ABRAXAS2: variants seen among roughly 807,000 people sequenced by gnomAD.
The protein encoded by ABRAXAS2 is BRISC complex subunit Abraxas 2.
ABRAXAS2 carries 23 observed loss-of-function variants against 49.0 expected under a neutral mutation model. The ratio of observed to expected loss-of-function variants is 0.47; its 90% CI spans 0.34 to 0.66. ABRAXAS2 has a LOEUF of 0.66. Among genes scored for constraint, ABRAXAS2 ranks in the 30% least tolerant of loss-of-function variants. The pLI, the probability that ABRAXAS2 is intolerant of heterozygous loss-of-function variation, is 0.01. For missense variants in ABRAXAS2, 443 were observed against 511.9 expected, an observed-to-expected ratio of 0.87 and a Z score of 1.30; for synonymous variants, 168 against 180.2, an observed-to-expected ratio of 0.93 and a Z score of 0.54.
At chr10:124,825,260 G>C (rs1311197776) in intron 4 of ABRAXAS2, among the ~76,000 whole-genome samples, 2 of 146,716 alleles carry the variant, frequency 1.4e-5, no homozygotes, top group African/African-American at 5.0e-5. Flanking sequence ...GGAGGTTGCT[G>C]TGAGCCGAGA....
At chr10:124,824,918 G>A (rs1950887658) in intron 4 of ABRAXAS2, among the ~76,000 whole-genome samples, 2 of 152,160 alleles carry the variant, frequency 1.3e-5, no homozygotes, top group Admixed American at 6.5e-5. Context: ...GTCTAGTGTA[G>A]AATGTGAAAG....
At chr10:124,807,045 G>A in intron 2 of ABRAXAS2, 124 bp downstream of exon 2, 2 of 679,882 alleles carry the variant, frequency 2.9e-6, no homozygotes, top group South Asian at 1.9e-5. Context: ...AGGCGCGGTG[G>A]CTCACGCCTG....
intron 2 of ABRAXAS2, among the ~76,000 whole-genome samples, chr10:124,807,323 A>AC (rs1454243471): frequency 2.0e-5 from 3 of 148,984 alleles, no homozygotes; most frequent in Non-Finnish European, 4.4e-5. Context: ...AAAAAAAAAA[A>AC]AAAAAAAAAA....
At chr10:124,820,819 G>T (rs983607475) in intron 4 of ABRAXAS2, among the ~76,000 whole-genome samples, 17 of 152,026 alleles carry the variant, frequency 1.1e-4, no homozygotes, top group African/African-American at 4.1e-4. Flanking sequence ...GTTCTATAAA[G>T]ATTCTTTTTG....
chr10:124,827,772 CT>C (rs1164343087), intron 5 of ABRAXAS2, among the ~76,000 whole-genome samples: 42 of 151,664 alleles, frequency 2.8e-4, no homozygotes, highest in African/African-American at 8.7e-4. Flanking sequence ...AAAACCACCC[CT>C]ATGATTATAT....
intron 4 of ABRAXAS2, among the ~76,000 whole-genome samples, chr10:124,824,841 C>G (rs1277935100): frequency 6.6e-6 from 1 of 152,104 alleles, no homozygotes; most frequent in Non-Finnish European, 1.5e-5. Flanking sequence ...ATCAATAGCT[C>G]TATCTAATTG....
At chr10:124,820,625 G>A (rs1408269574) in intron 4 of ABRAXAS2, among the ~76,000 whole-genome samples, 2 of 151,886 alleles carry the variant, frequency 1.3e-5, no homozygotes, top group South Asian at 2.1e-4. Flanking sequence ...GGGACTACAG[G>A]GGTGCACCAC....
At chr10:124,819,760 C>T (rs924894521) in intron 4 of ABRAXAS2, among the ~76,000 whole-genome samples, 4 of 147,808 alleles carry the variant, frequency 2.7e-5, no homozygotes, top group Non-Finnish European at 5.9e-5. Flanking sequence ...GGAGACAGAG[C>T]GAGGCTCCAT....
Position 124,835,586 on chromosome 10 carries a change from C to T in ABRAXAS2, c.*615C>T, listed in dbSNP as rs1950964258. Reference sequence around the variant, plus strand: ...TATGTATTATCACTTAAAATGGTTGCCTTTAAAAAAAAAAAGTAGAGATAC... The same window carrying T: ...TATGTATTATCACTTAAAATGGTTGTCTTTAAAAAAAAAAAGTAGAGATAC... On this transcript the variant is annotated 3_prime_UTR_variant, in exon 9 of 9. Coordinates refer to ENST00000298492, the MANE Select transcript of ABRAXAS2 (RefSeq NM_032182.4). 6.6e-6 allele frequency: 1 copy of T among 151,154 alleles called. No homozygotes were observed. The allele number at this position is 151,154 out of a possible 1,614,324, so 9.4% of individuals were successfully genotyped here.
intron 2 of ABRAXAS2, among the ~76,000 whole-genome samples, chr10:124,812,100 CATA>C (rs1416301526): frequency 6.6e-6 from 1 of 152,184 alleles, no homozygotes; most frequent in Non-Finnish European, 1.5e-5. Context: ...TTCTATATAA[CATA>C]AAGTACTGAT....
chr10:124,812,226 A>G (rs763252981), intron 2 of ABRAXAS2, among the ~76,000 whole-genome samples: 5 of 152,246 alleles, frequency 3.3e-5, no homozygotes, highest in Middle Eastern at 3.2e-3. Flanking sequence ...GGCCATGACA[A>G]CTATCTTTTG....
intron 4 of ABRAXAS2, 117 bp downstream of exon 4, chr10:124,819,567 T>C: frequency 2.1e-6 from 2 of 950,342 alleles, no homozygotes; most frequent in East Asian, 2.6e-5. Context: ...TGTAAAAGTT[T>C]TGTTAACCTA....
chr10:124,811,402 G>A (rs1010295693), intron 2 of ABRAXAS2, among the ~76,000 whole-genome samples: 5 of 151,798 alleles, frequency 3.3e-5, no homozygotes, highest in Admixed American at 3.3e-4. Context: ...CACAAAAATA[G>A]CACTTCTGAT....
intron 7 of ABRAXAS2, among the ~76,000 whole-genome samples, chr10:124,830,609 T>A (rs1950926691): frequency 6.6e-6 from 1 of 152,210 alleles, no homozygotes; most frequent in African/African-American, 2.4e-5. Context: ...ACTGTGCACC[T>A]ACCAGAATAG....
intron 8 of ABRAXAS2, 103 bp from the exon 9 acceptor site, chr10:124,834,399 C>A: frequency 1.1e-6 from 1 of 895,944 alleles, no homozygotes; most frequent in Non-Finnish European, 1.7e-6. Flanking sequence ...GCTTCATTGC[C>A]TCACTGCTAT....
At chr10:124,807,168 C>T (rs1315659872) in intron 2 of ABRAXAS2, among the ~76,000 whole-genome samples, 2 of 151,848 alleles carry the variant, frequency 1.3e-5, no homozygotes, top group Non-Finnish European at 2.9e-5. Flanking sequence ...AAAAAATTAG[C>T]CGGGCATGGT....
At chr10:124,823,926 G>GTTTTT (rs1950879342) in intron 4 of ABRAXAS2, among the ~76,000 whole-genome samples, 1 of 152,082 alleles carries the variant, frequency 6.6e-6, no homozygotes, top group South Asian at 2.1e-4. Context: ...GTTTTGTTTT[G>GTTTTT]TTTTGTTTTT....
chr10:124,829,269 T>G, intron 6 of ABRAXAS2, 124 bp from the exon 7 acceptor site: 2 of 694,140 alleles, frequency 2.9e-6, no homozygotes, highest in South Asian at 3.4e-5. Flanking sequence ...GCATTATTCC[T>G]TAAACACTGT....
chr10:124,824,657 A>T (rs1240385112), intron 4 of ABRAXAS2, among the ~76,000 whole-genome samples: 1 of 152,164 alleles, frequency 6.6e-6, no homozygotes, highest in Non-Finnish European at 1.5e-5. Context: ...TCTGCTAGTC[A>T]ATGAGTATTT....
Sources: allele counts gnomAD v4.1 joint callset (sites outside exome capture counted in the v4.1 genomes callset), GRCh38; gene constraint gnomAD v4.1.1; transcripts MANE v1.5; gene names NCBI Gene and HGNC (gene_info 2026-07-23, HGNC 2026-07-21).